The following RABGAP1L variants were observed in gnomAD, a reference collection of about 807,000 sequenced individuals.
RABGAP1L encodes the protein rab GTPase-activating protein 1-like.
A neutral mutation model predicts 137.7 loss-of-function variants in RABGAP1L; 63 were observed. The observed-to-expected ratio is 0.46, with a 90% CI of 0.37 to 0.56. The LOEUF is 0.56. RABGAP1L is among the 20% of genes least tolerant of loss of function. RABGAP1L has a pLI of 0.00. For missense variants in RABGAP1L, 1,095 were observed against 1,244.0 expected (o/e 0.88, Z 1.80); for synonymous variants, 431 against 433.7 (o/e 0.99, Z 0.08).
chr1:174,178,628 T>A (rs921384803), intron 1 of RABGAP1L, among the ~76,000 whole-genome samples: 1 of 152,168 alleles, frequency 6.6e-6, no homozygotes, highest in Non-Finnish European at 1.5e-5. Flanking sequence ...GTGGCACATA[T>A]ACACCATGGA....
At chr1:174,660,094 A>G (rs1676263100) in intron 14 of RABGAP1L, among the ~76,000 whole-genome samples, 1 of 152,226 alleles carries the variant, frequency 6.6e-6, no homozygotes, top group Non-Finnish European at 1.5e-5. Context: ...AATAAGTGTC[A>G]GTGGATCTTG....
At chr1:174,605,003 T>C (rs1670677225) in intron 13 of RABGAP1L, among the ~76,000 whole-genome samples, 1 of 152,068 alleles carries the variant, frequency 6.6e-6, no homozygotes, top group African/African-American at 2.4e-5. Flanking sequence ...TTGCTGGGCG[T>C]GGTGGCACAT....
chr1:174,618,006 G>A (rs565359328), intron 13 of RABGAP1L, among the ~76,000 whole-genome samples: 2 of 152,360 alleles, frequency 1.3e-5, no homozygotes, highest in South Asian at 4.1e-4. Flanking sequence ...GCCCGCGCCT[G>A]GCTTGGAGGG....
At chr1:174,261,274 T>C (rs1673558526) in intron 7 of RABGAP1L, among the ~76,000 whole-genome samples, 1 of 152,198 alleles carries the variant, frequency 6.6e-6, no homozygotes, top group Non-Finnish European at 1.5e-5. Context: ...CTATCTCACA[T>C]TGATTTGGGG....
intron 15 of RABGAP1L, among the ~76,000 whole-genome samples, chr1:174,686,267 A>G (rs901794566): frequency 3.9e-5 from 6 of 152,156 alleles, no homozygotes; most frequent in African/African-American, 1.2e-4. Context: ...TAATAGTTCT[A>G]TTATGATTTT....
intron 16 of RABGAP1L, among the ~76,000 whole-genome samples, chr1:174,700,167 G>A (rs750689297): frequency 5.9e-5 from 9 of 152,198 alleles, no homozygotes; most frequent in African/African-American, 1.7e-4. Flanking sequence ...ATTTATAAAT[G>A]TGTGTGAGAA....
intron 19 of RABGAP1L, among the ~76,000 whole-genome samples, chr1:174,815,145 G>A (rs1303156209): frequency 1.3e-5 from 2 of 152,104 alleles, no homozygotes; most frequent in East Asian, 1.9e-4. Flanking sequence ...CCACCTCCCC[G>A]TTCCCCACTC....
At chr1:174,577,101 C>T (rs1668422453) in intron 13 of RABGAP1L, among the ~76,000 whole-genome samples, 1 of 151,886 alleles carries the variant, frequency 6.6e-6, no homozygotes, top group African/African-American at 2.4e-5. Flanking sequence ...AGGAGGACCC[C>T]TTAAGCCCAG....
chr1:174,942,082 A>C (rs1251516099), intron 19 of RABGAP1L, among the ~76,000 whole-genome samples: 1 of 152,206 alleles, frequency 6.6e-6, no homozygotes, highest in Non-Finnish European at 1.5e-5. Context: ...GTGAGTTCTT[A>C]GAGTTCCATT....
At chr1:174,466,217 C>G (rs1657278621) in intron 13 of RABGAP1L, among the ~76,000 whole-genome samples, 1 of 152,116 alleles carries the variant, frequency 6.6e-6, no homozygotes, top group African/African-American at 2.4e-5. Context: ...CTCAGCACTT[C>G]CTTCTACTTT....
intron 19 of RABGAP1L, among the ~76,000 whole-genome samples, chr1:174,824,607 A>G (rs1389482041): frequency 6.6e-6 from 1 of 152,156 alleles, no homozygotes; most frequent in Non-Finnish European, 1.5e-5. Flanking sequence ...TTAAAGCACA[A>G]CTGTTTTAGA....
intron 11 of RABGAP1L, among the ~76,000 whole-genome samples, chr1:174,359,367 T>G (rs1273172785): frequency 6.6e-6 from 1 of 152,238 alleles, no homozygotes; most frequent in Non-Finnish European, 1.5e-5. Flanking sequence ...GGCTGCCAAG[T>G]GTTTAAAACA....
At chr1:174,874,347 C>A in intron 19 of RABGAP1L, 1 of 374,462 alleles carries the variant, frequency 2.7e-6, no homozygotes, top group Non-Finnish European at 3.7e-6. Context: ...TATTCTCTCC[C>A]TCTCAATTTA....
chr1:174,836,072 T>G (rs1303830416), intron 19 of RABGAP1L, among the ~76,000 whole-genome samples: 1 of 152,240 alleles, frequency 6.6e-6, no homozygotes, highest in Admixed American at 6.5e-5. Flanking sequence ...ATCATTGAGA[T>G]TCTGTAATTC....
In RABGAP1L at chr1:174,237,849, A is replaced by G. The variant is rs1671351345; in HGVS notation, c.543-3634A>G. Among the ~76,000 whole-genome samples, 14 of 150,860 alleles carry G rather than the reference A, an allele frequency of 9.3e-5. No homozygotes were observed. In the South Asian group the frequency reaches 3.0e-3, roughly 32 times the overall value. Reference sequence around the variant, plus strand: ...CTAGATTGGGGAAATTCTCCTGGATAATATCCTGCAGAGTGTTTTCCAACT... The same window carrying G: ...CTAGATTGGGGAAATTCTCCTGGATGATATCCTGCAGAGTGTTTTCCAACT... On this transcript the variant is annotated intron_variant, in intron 4 of 25. Coordinates refer to ENST00000681986, the MANE Select transcript of RABGAP1L (RefSeq NM_001366446.1).
intron 19 of RABGAP1L, among the ~76,000 whole-genome samples, chr1:174,952,867 G>A (rs1057389192): frequency 2.0e-5 from 3 of 151,946 alleles, no homozygotes; most frequent in Admixed American, 6.6e-5. Context: ...TGGGATTATA[G>A]GCATGAGCCA....
At chr1:174,461,467 T>G (rs955777308) in intron 13 of RABGAP1L, among the ~76,000 whole-genome samples, 6 of 152,220 alleles carry the variant, frequency 3.9e-5, no homozygotes, top group Admixed American at 6.5e-5. Context: ...CTGTACTGTT[T>G]CTCTTCTTTA....
In RABGAP1L at chr1:174,219,305, T is replaced by C. The variant is rs1254965150; in HGVS notation, c.138+10T>C. ...AAAACCTCAACTGAAGGTATTTTTT[T>C]CTTTTCTACATATGGTATAATTTTT... On this transcript the variant is annotated intron_variant, in intron 2 of 25. Transcript: ENST00000681986. The C allele has an allele frequency of 6.6e-7, 1 of 1,522,884 alleles. No homozygotes were observed. Among genetic ancestry groups the C allele is most frequent in the Non-Finnish European group, 8.9e-7 (1 of 1,124,968 alleles). The allele number at this position is 1,522,884 out of a possible 1,614,324, so 94.3% of individuals were successfully genotyped here. A position where few individuals can be genotyped will look rare whatever the true frequency, so the allele number is the denominator to read the frequency against.
chr1:174,332,972 A>C (rs1681166957), intron 11 of RABGAP1L, among the ~76,000 whole-genome samples: 1 of 152,204 alleles, frequency 6.6e-6, no homozygotes, highest in Non-Finnish European at 1.5e-5. Context: ...TACACAATAA[A>C]ATACTATTCA....
Sources: gnomAD v4.1 joint callset for allele counts (sites outside exome capture counted in the v4.1 genomes callset) on GRCh38, gnomAD v4.1.1 for gene constraint, MANE v1.5 for transcripts, NCBI Gene and HGNC (gene_info 2026-07-23, HGNC 2026-07-21) for gene names.